TLL1: variants seen among roughly 807,000 people sequenced by gnomAD.
TLL1 encodes the protein tolloid like 1.
Under a neutral mutation model 128.2 loss-of-function variants are expected in TLL1, and 49 were observed. The ratio of observed to expected loss-of-function variants is 0.38; its 90% CI spans 0.30 to 0.48. The LOEUF (loss-of-function observed/expected upper bound fraction) is 0.48, where lower values mean the gene tolerates loss of function less well. TLL1 is among the 20% of genes least tolerant of loss of function. TLL1 has a pLI of 0.96. For synonymous variants in TLL1, 454 were observed against 418.8 expected, an observed-to-expected ratio of 1.08 and a Z score of -1.03; for missense variants, 1,123 against 1,242.0, an observed-to-expected ratio of 0.90 and a Z score of 1.44.
intron 1 of TLL1, among the ~76,000 whole-genome samples, chr4:165,961,444 T>C (rs1735096623): frequency 6.6e-6 from 1 of 152,152 alleles, no homozygotes; most frequent in South Asian, 2.1e-4. Flanking sequence ...GCCAATGTCA[T>C]TTTTCACTGA....
chr4:166,074,311 A>G (rs1740923099), intron 16 of TLL1, among the ~76,000 whole-genome samples: 2 of 151,224 alleles, frequency 1.3e-5, no homozygotes, highest in Non-Finnish European at 2.9e-5. Context: ...GTGCTATGAA[A>G]TGTCCAAATT....
chr4:165,954,435 G>A (rs1201366689), intron 1 of TLL1, among the ~76,000 whole-genome samples: 1 of 152,042 alleles, frequency 6.6e-6, no homozygotes, highest in East Asian at 1.9e-4. Flanking sequence ...ATAGTACTGG[G>A]AGAAAAACAC....
chr4:166,043,471 G>A, intron 12 of TLL1, 52 bp downstream of exon 12: 2 of 1,610,388 alleles, frequency 1.2e-6, no homozygotes, highest in Non-Finnish European at 1.7e-6. Flanking sequence ...AAACGACAAT[G>A]GCATTTAAGA....
chr4:165,962,692 C>T (rs761096984), intron 1 of TLL1, among the ~76,000 whole-genome samples: 9 of 151,970 alleles, frequency 5.9e-5, no homozygotes, highest in Admixed American at 2.6e-4. Context: ...ATAAAGAAAA[C>T]GTGGTACATA....
At chr4:166,098,127 A>C (rs1742109832) in intron 19 of TLL1, among the ~76,000 whole-genome samples, 1 of 152,034 alleles carries the variant, frequency 6.6e-6, no homozygotes, top group African/African-American at 2.4e-5. Flanking sequence ...TGAGGTCAGG[A>C]GTTCAAGACC....
chr4:166,082,002 A>G (rs1168657079), intron 18 of TLL1, among the ~76,000 whole-genome samples: 1 of 152,182 alleles, frequency 6.6e-6, no homozygotes, highest in Non-Finnish European at 1.5e-5. Context: ...GACATAAAGC[A>G]TGTCTGTTCA....
At chr4:166,005,512 T>G (rs1737382068) in intron 6 of TLL1, among the ~76,000 whole-genome samples, 1 of 151,774 alleles carries the variant, frequency 6.6e-6, no homozygotes, top group African/African-American at 2.4e-5. Flanking sequence ...GCCAAGGAAA[T>G]AAATAATTTG....
chr4:166,004,056 T>G, intron 6 of TLL1, among the ~76,000 whole-genome samples: 1 of 152,084 alleles, frequency 6.6e-6, no homozygotes, highest in Non-Finnish European at 1.5e-5. Context: ...TATAAATAGT[T>G]TTTTCTGAGA....
At chr4:166,034,799 A>G (rs1381883656) in intron 9 of TLL1, among the ~76,000 whole-genome samples, 1 of 152,154 alleles carries the variant, frequency 6.6e-6, no homozygotes. Flanking sequence ...CAGACTGAGT[A>G]ATTTGTGGAC....
In TLL1 at chr4:166,087,222, T is replaced by C. The variant is rs765531687; in HGVS notation, c.2443-3906T>C. Reference sequence around the variant, plus strand: ...TCTATCATTTTTAGTTGATTTATCATATCCTTGAGTTTTGGAGTTCTGCTA... The same window carrying C: ...TCTATCATTTTTAGTTGATTTATCACATCCTTGAGTTTTGGAGTTCTGCTA... On this transcript the variant is annotated intron_variant, in intron 18 of 20. Coordinates refer to ENST00000061240, the MANE Select transcript of TLL1 (RefSeq NM_012464.5). Among the ~76,000 whole-genome samples, 55 of 152,180 alleles carry C rather than the reference T, an allele frequency of 3.6e-4. 1 individual carries two copies. Among genetic ancestry groups the C allele is most frequent in the Non-Finnish European group, 5.6e-4 (38 of 68,036 alleles).
Position 166,102,236 on chromosome 4 carries a change from C to G in TLL1, c.*1360C>G, listed in dbSNP as rs1742322982. ...TAATAGTGTATGTTAATTAACAGCT[C>G]TATGAAGAAAATCCATTTCCATGAC... is the stretch of plus-strand genomic sequence containing the variant. On this transcript the variant is annotated 3_prime_UTR_variant, in exon 21 of 21. Coordinates refer to ENST00000061240, the MANE Select transcript of TLL1 (RefSeq NM_012464.5). 1.3e-5 allele frequency: 2 copies of G among 152,406 alleles called. No individual in the cohort carries two copies. Among genetic ancestry groups the G allele is most frequent in the South Asian group, 4.1e-4 (2 of 4,828 alleles). 9.4% of individuals were successfully genotyped at this position (152,406 alleles called of 1,614,324 possible).
At position 165,992,965 on chromosome 4, in the gene TLL1, T is replaced by C. The variant is rs1338942506; in HGVS notation, c.361+81T>C. 4 of 1,165,952 alleles carry C rather than the reference T, an allele frequency of 3.4e-6. No individual in the cohort carries two copies. In the African/African-American group the frequency reaches 4.5e-5, roughly 13 times the overall value. The allele number at this position is 1,165,952 out of a possible 1,614,324, so 72.2% of individuals were successfully genotyped here. A position where few individuals can be genotyped will look rare whatever the true frequency, so the allele number is the denominator to read the frequency against. ...CTCATAGCAGTTCAGTTTATTAAAATCAGTGTGCCATTATGATGTGAAGTA... is the reference window on the plus strand; with the variant it reads ...CTCATAGCAGTTCAGTTTATTAAAACCAGTGTGCCATTATGATGTGAAGTA... On this transcript the variant is annotated intron_variant, in intron 3 of 20. Coordinates refer to ENST00000061240, the MANE Select transcript of TLL1 (RefSeq NM_012464.5).
chr4:166,033,477 C>T (rs1028626298), intron 9 of TLL1, among the ~76,000 whole-genome samples: 1 of 152,078 alleles, frequency 6.6e-6, no homozygotes, highest in African/African-American at 2.4e-5. Context: ...GTTTTTATGT[C>T]TTCTTTGTTC....
At chr4:165,915,573 C>T (rs1170159994) in intron 1 of TLL1, among the ~76,000 whole-genome samples, 1 of 152,190 alleles carries the variant, frequency 6.6e-6, no homozygotes, top group Admixed American at 6.5e-5. Context: ...CTCAGTGTTA[C>T]CAACCAGAAA....
chr4:165,957,664 C>T (rs1734872944), intron 1 of TLL1, among the ~76,000 whole-genome samples: 1 of 151,226 alleles, frequency 6.6e-6, no homozygotes, highest in African/African-American at 2.4e-5. Context: ...CCCCATCCTA[C>T]TCTTCCACCC....
chr4:165,881,628 T>C (rs1730971787), intron 1 of TLL1, among the ~76,000 whole-genome samples: 1 of 152,250 alleles, frequency 6.6e-6, no homozygotes, highest in Admixed American at 6.5e-5. Context: ...GTGCAGGGCC[T>C]CCTCCTTCTT....
In TLL1 at chr4:166,074,894, T is replaced by G. The variant is rs767025791; in HGVS notation, c.2205T>G (p.Ser735=). Residue 735 remains serine, a synonymous_variant, in exon 17 of 21, where the codon TCT becomes TCG. Coordinates refer to ENST00000061240, the MANE Select transcript of TLL1 (RefSeq NM_012464.5). ...CTTTGCTAGACAAAGATGAATGCTCTAAGGATAATGGTGGATGTCAGCACG... is the reference window on the plus strand; with the variant it reads ...CTTTGCTAGACAAAGATGAATGCTCGAAGGATAATGGTGGATGTCAGCACG... ...AHFFSDKDEC[S]KDNGGCQHEC... is the part of the protein sequence containing the mutation. The G allele has an allele frequency of 5.0e-6, 8 of 1,613,390 alleles. No individual in the cohort carries two copies. Among genetic ancestry groups the G allele is most frequent in the Non-Finnish European group, 6.8e-6 (8 of 1,179,590 alleles).
intron 1 of TLL1, among the ~76,000 whole-genome samples, chr4:165,964,676 A>G (rs1735282184): frequency 6.6e-6 from 1 of 152,178 alleles, no homozygotes; most frequent in South Asian, 2.1e-4. Context: ...TAATCCCAGC[A>G]TGTTTAGTGG....
intron 8 of TLL1, among the ~76,000 whole-genome samples, chr4:166,014,949 A>G (rs879454199): frequency 2.6e-5 from 4 of 151,984 alleles, no homozygotes; most frequent in Admixed American, 6.6e-5. Flanking sequence ...ATCCTGGATG[A>G]TATTTTTTTG....
Sources: gnomAD v4.1 joint callset for allele counts (sites outside exome capture counted in the v4.1 genomes callset) on GRCh38, gnomAD v4.1.1 for gene constraint, MANE v1.5 for transcripts, NCBI Gene and HGNC (gene_info 2026-07-23, HGNC 2026-07-21) for gene names.